The following LRRTM4 variants were observed in gnomAD, a reference collection of about 807,000 sequenced individuals.
The protein encoded by LRRTM4 is leucine-rich repeat transmembrane neuronal protein 4.
Under a neutral mutation model 47.6 loss-of-function variants are expected in LRRTM4, and 25 were observed. The ratio of observed to expected loss-of-function variants is 0.53; its 90% CI spans 0.38 to 0.73. The LOEUF (loss-of-function observed/expected upper bound fraction) is 0.73. Ranked by LOEUF, LRRTM4 falls within the 30% of genes least tolerant of loss-of-function variation. The pLI, the probability that LRRTM4 is intolerant of heterozygous loss-of-function variation, is 0.00. For synonymous variants in LRRTM4, 311 were observed against 269.5 expected (o/e 1.15, Z -1.51); for missense variants, 638 against 713.4 (o/e 0.89, Z 1.20).
intron 3 of LRRTM4, among the ~76,000 whole-genome samples, chr2:77,413,111 C>T (rs1228168221): frequency 1.3e-5 from 2 of 152,108 alleles, no homozygotes; most frequent in African/African-American, 4.8e-5. Context: ...TGGTTAATGG[C>T]AAGAACATTG....
At chr2:76,966,287 G>T (rs1196209799) in intron 3 of LRRTM4, among the ~76,000 whole-genome samples, 1 of 151,260 alleles carries the variant, frequency 6.6e-6, no homozygotes, top group Admixed American at 6.6e-5. Flanking sequence ...GAAGGAGGTA[G>T]AGGAGAAGAA....
At chr2:77,303,275 AAAC>A (rs978702853) in intron 3 of LRRTM4, among the ~76,000 whole-genome samples, 184 of 146,984 alleles carry the variant, frequency 1.3e-3, no homozygotes, top group African/African-American at 4.9e-3. Context: ...ACAAACAAAC[AAAC>A]AAAAAAAAAT....
chr2:77,102,366 A>G (rs2103913637), intron 3 of LRRTM4, among the ~76,000 whole-genome samples: 1 of 152,292 alleles, frequency 6.6e-6, no homozygotes, highest in South Asian at 2.1e-4. Flanking sequence ...AATTCCACGT[A>G]TTCCCACTTC....
intron 3 of LRRTM4, among the ~76,000 whole-genome samples, chr2:77,141,290 C>A (rs1672114378): frequency 1.3e-5 from 2 of 152,046 alleles, no homozygotes; most frequent in African/African-American, 4.8e-5. Context: ...TACTATGCAG[C>A]CATAAAAAGG....
At chr2:77,141,459 C>G (rs141702264) in intron 3 of LRRTM4, among the ~76,000 whole-genome samples, 3 of 115,554 alleles carry the variant, frequency 2.6e-5, no homozygotes, top group Non-Finnish European at 5.0e-5. Context: ...CATCACACAC[C>G]GTGGCCTGTC....
intron 3 of LRRTM4, among the ~76,000 whole-genome samples, chr2:76,877,633 G>A (rs553012242): frequency 6.6e-6 from 1 of 152,014 alleles, no homozygotes; most frequent in East Asian, 1.9e-4. Flanking sequence ...CAAGAAAATT[G>A]ACTATTCATT....
At position 77,081,247 on chromosome 2, in the gene LRRTM4, AACACACACACACACACACAC is replaced by A. The variant is rs58897041; in HGVS notation, c.1552-332351_1552-332332del. Among the ~76,000 whole-genome samples the A allele has an allele frequency of 7.1e-4, 99 of 139,998 alleles. No individual in the cohort carries two copies. In the East Asian group the frequency reaches 0.012, roughly 17 times the overall value. 91.8% of individuals were successfully genotyped at this position (139,998 alleles called of 152,430 possible). On this transcript the variant is annotated intron_variant, in intron 3 of 3. Coordinates refer to ENST00000409884, the MANE Select transcript of LRRTM4 (RefSeq NM_001134745.3). ...CCAGCACCGAAAAATACCTGACAGC[AACACACACACACACACACAC>A]ACACACACACACACACACACACACA...
rs372897488 is a variant in LRRTM4 at position 77,080,900 on chromosome 2, A to C, written c.1552-331984T>G. Among the ~76,000 whole-genome samples the C allele has an allele frequency of 3.9e-5, 6 of 152,100 alleles. No individual in the cohort carries two copies. In the South Asian group the frequency reaches 1.2e-3, roughly 31 times the overall value. Reference sequence around the variant, plus strand: ...ACCACCTCTGCAAAGCTCTACCATGACAGGAAACACTCTCCAGCTTCAGGG... The same window carrying C: ...ACCACCTCTGCAAAGCTCTACCATGCCAGGAAACACTCTCCAGCTTCAGGG... On this transcript the variant is annotated intron_variant, in intron 3 of 3. Transcript: ENST00000409884.
At chr2:77,279,282 A>T (rs1277097401) in intron 3 of LRRTM4, among the ~76,000 whole-genome samples, 2 of 151,748 alleles carry the variant, frequency 1.3e-5, no homozygotes, top group African/African-American at 2.4e-5. Context: ...AAATAAATCT[A>T]CTTCTTTTTT....
At chr2:77,223,944 A>T (rs1467825802) in intron 3 of LRRTM4, among the ~76,000 whole-genome samples, 1 of 152,170 alleles carries the variant, frequency 6.6e-6, no homozygotes, top group East Asian at 1.9e-4. Flanking sequence ...GCATCACGCT[A>T]CCTGACTTCA....
intron 3 of LRRTM4, among the ~76,000 whole-genome samples, chr2:76,972,854 T>C (rs75443070): frequency 0.038 from 5,769 of 152,092 alleles, 245 homozygotes; most frequent in East Asian, 0.14. Context: ...TTATGTCACC[T>C]TTCACTAAGA....
intron 3 of LRRTM4, among the ~76,000 whole-genome samples, chr2:77,249,089 A>C (rs4297912): frequency 0.69 from 104,613 of 151,754 alleles, 36,777 homozygotes; most frequent in African/African-American, 0.84. Context: ...GTGGCTCATG[A>C]CTTTAATCCT....
intron 3 of LRRTM4, among the ~76,000 whole-genome samples, chr2:77,078,029 G>C (rs992368482): frequency 6.6e-6 from 1 of 152,162 alleles, no homozygotes; most frequent in African/African-American, 2.4e-5. Flanking sequence ...TACAGGCAGT[G>C]AACTGCAGAC....
intron 3 of LRRTM4, among the ~76,000 whole-genome samples, chr2:76,959,463 G>T (rs1242752748): frequency 2.1e-5 from 3 of 145,852 alleles, no homozygotes; most frequent in Non-Finnish European, 4.5e-5. Flanking sequence ...AAACACGACA[G>T]AAATAAAACA....
chr2:76,900,411 A>AC lies in LRRTM4; in HGVS notation c.1552-151496_1552-151495insG, dbSNP rs1364510651. Among the ~76,000 whole-genome samples the AC allele has an allele frequency of 6.7e-4, 85 of 126,220 alleles. 2 individuals carry two copies. The Admixed American group carries it at 7.2e-3, about 11-fold the overall frequency. The allele number at this position is 126,220 out of a possible 152,430, so 82.8% of individuals were successfully genotyped here. On this transcript the variant is annotated intron_variant, in intron 3 of 3. Coordinates refer to ENST00000409884, the MANE Select transcript of LRRTM4 (RefSeq NM_001134745.3). ...TTCATATTATTTCATGCTTATCTCT[A>AC]TTCTTGTTTATTTTCAAACCAATAG...
intron 3 of LRRTM4, among the ~76,000 whole-genome samples, chr2:77,319,977 T>C (rs956636723): frequency 7.9e-5 from 12 of 152,204 alleles, no homozygotes; most frequent in Non-Finnish European, 1.6e-4. Context: ...TTATTAACTT[T>C]CAATAAACAG....
At chr2:77,050,073 A>G (rs1177434826) in intron 3 of LRRTM4, among the ~76,000 whole-genome samples, 1 of 152,024 alleles carries the variant, frequency 6.6e-6, no homozygotes, top group South Asian at 2.1e-4. Flanking sequence ...AGCAGAGGTC[A>G]GAAAGAGTAC....
At chr2:77,233,611 A>G (rs575695612) in intron 3 of LRRTM4, among the ~76,000 whole-genome samples, 3 of 152,312 alleles carry the variant, frequency 2.0e-5, no homozygotes, top group African/African-American at 7.2e-5. Context: ...TTTGACTACA[A>G]CATTTCAGTG....
chr2:77,243,550 G>A (rs1230028844), intron 3 of LRRTM4, among the ~76,000 whole-genome samples: 1 of 149,868 alleles, frequency 6.7e-6, no homozygotes. Context: ...AAGGGAGAAT[G>A]AGGGTTGATT....
Sources: gnomAD v4.1 joint callset for allele counts (sites outside exome capture counted in the v4.1 genomes callset) on GRCh38, gnomAD v4.1.1 for gene constraint, MANE v1.5 for transcripts, NCBI Gene and HGNC (gene_info 2026-07-23, HGNC 2026-07-21) for gene names.